INPP4B: variants seen among roughly 807,000 people sequenced by gnomAD.
INPP4B encodes inositol polyphosphate 4-phosphatase type II.
INPP4B carries 55 observed loss-of-function variants against 122.5 expected under a neutral mutation model. The ratio of observed to expected loss-of-function variants is 0.45; its 90% CI spans 0.36 to 0.56. The LOEUF is 0.56. Among genes scored for constraint, INPP4B ranks in the 20% least tolerant of loss-of-function variants. The pLI is 0.00. For synonymous variants in INPP4B, 403 were observed against 388.7 expected (o/e 1.04, Z -0.43); for missense variants, 1,000 against 1,097.7 (o/e 0.91, Z 1.26).
At chr4:142,408,761 A>T (rs1803981312) in intron 5 of INPP4B, among the ~76,000 whole-genome samples, 1 of 152,290 alleles carries the variant, frequency 6.6e-6, no homozygotes, top group East Asian at 1.9e-4. Context: ...GTAACAAACA[A>T]ATGCTACTGC....
At chr4:142,658,525 A>C (rs28848935) in intron 2 of INPP4B, among the ~76,000 whole-genome samples, 1 of 152,172 alleles carries the variant, frequency 6.6e-6, no homozygotes, top group African/African-American at 2.4e-5. Context: ...TGTGATCAAG[A>C]TATGGAGCAT....
chr4:142,436,447 C>A (rs367976694), intron 3 of INPP4B, among the ~76,000 whole-genome samples: 5 of 152,144 alleles, frequency 3.3e-5, no homozygotes, highest in African/African-American at 9.7e-5. Context: ...CCATGCCACC[C>A]AACTGGGTGA....
intron 12 of INPP4B, among the ~76,000 whole-genome samples, chr4:142,222,707 C>T (rs1579339079): frequency 6.6e-6 from 1 of 152,320 alleles, no homozygotes; most frequent in Non-Finnish European, 1.5e-5. Flanking sequence ...AGTGTCTCAG[C>T]TCCAAACACA....
intron 8 of INPP4B, 30 bp downstream of exon 8, chr4:142,314,682 G>A (rs768207420): frequency 1.3e-6 from 2 of 1,591,598 alleles, no homozygotes; most frequent in South Asian, 1.2e-5. Flanking sequence ...AGTGATGTGT[G>A]TGCCTTCTGG....
chr4:142,255,726 G>A (rs948017558), intron 11 of INPP4B, among the ~76,000 whole-genome samples: 9 of 152,088 alleles, frequency 5.9e-5, no homozygotes, highest in Non-Finnish European at 1.0e-4. Context: ...GACCTACAAA[G>A]AGACTTCGAC....
Position 142,405,201 on chromosome 4 carries a change from C to G in INPP4B, c.255+5G>C. 1 of 1,539,904 alleles carries G rather than the reference C, an allele frequency of 6.5e-7. No homozygotes were observed. Among genetic ancestry groups the G allele is most frequent in the Non-Finnish European group, 9.0e-7 (1 of 1,112,802 alleles). ...AGAGATTAATGTAGGCACACAGCAT[C>G]TCACCTCCACAATTTCGGTGCTGGA... On this transcript the variant is annotated splice_donor_5th_base_variant and intron_variant, in intron 6 of 25. Transcript: ENST00000262992.
At chr4:142,521,756 T>TA (rs1015154837) in intron 2 of INPP4B, among the ~76,000 whole-genome samples, 6 of 152,258 alleles carry the variant, frequency 3.9e-5, no homozygotes, top group Non-Finnish European at 8.8e-5. Context: ...GTTTTAAACT[T>TA]AAAAAATATC....
chr4:142,235,484 C>T (rs949799343), intron 12 of INPP4B, among the ~76,000 whole-genome samples: 1 of 152,048 alleles, frequency 6.6e-6, no homozygotes, highest in Non-Finnish European at 1.5e-5. Flanking sequence ...TGCAGTGGCG[C>T]GATCTCAGCT....
intron 7 of INPP4B, among the ~76,000 whole-genome samples, chr4:142,320,628 T>C (rs1769639876): frequency 6.6e-6 from 1 of 152,202 alleles, no homozygotes; most frequent in Non-Finnish European, 1.5e-5. Flanking sequence ...GTCCAATGTG[T>C]AGCCTTTAAT....
chr4:142,448,351 A>C (rs1193763857), intron 3 of INPP4B, among the ~76,000 whole-genome samples: 1 of 151,796 alleles, frequency 6.6e-6, no homozygotes, highest in Admixed American at 6.6e-5. Flanking sequence ...AAAAAAAAAA[A>C]AACACCGAGC....
intron 2 of INPP4B, among the ~76,000 whole-genome samples, chr4:142,514,792 CTT>C (rs3078620): frequency 3.3e-5 from 4 of 121,778 alleles, no homozygotes; most frequent in African/African-American, 3.1e-5. Flanking sequence ...ACCATGATTT[CTT>C]TTTTTTTTTT....
intron 1 of INPP4B, among the ~76,000 whole-genome samples, chr4:142,758,121 A>T (rs1334783406): frequency 6.6e-6 from 1 of 152,166 alleles, no homozygotes; most frequent in East Asian, 1.9e-4. Context: ...TTTTAAAAAG[A>T]TATTTAAAAA....
At chr4:142,196,368 C>G (rs1208372311) in intron 14 of INPP4B, among the ~76,000 whole-genome samples, 1 of 152,078 alleles carries the variant, frequency 6.6e-6, no homozygotes, top group Admixed American at 6.5e-5. Flanking sequence ...ATCTGAGTGT[C>G]AAAGCCTATT....
chr4:142,542,133 A>G (rs377017879), intron 2 of INPP4B, among the ~76,000 whole-genome samples: 52 of 152,264 alleles, frequency 3.4e-4, no homozygotes, highest in Middle Eastern at 3.4e-3. Context: ...CCCTCTCCAA[A>G]AAGTTCTGGA....
chr4:142,302,557 TG>T (rs1761881413), intron 9 of INPP4B, among the ~76,000 whole-genome samples: 2 of 152,154 alleles, frequency 1.3e-5, no homozygotes, highest in Admixed American at 1.3e-4. Flanking sequence ...ATTTATGAAA[TG>T]GAAATTAATA....
At position 142,773,792 on chromosome 4, in the gene INPP4B, G is replaced by T. The variant is rs1580882321; in HGVS notation, c.-253-47891C>A. Among the ~76,000 whole-genome samples, 3 of 152,318 alleles carry T rather than the reference G, an allele frequency of 2.0e-5. No individual in the cohort carries two copies. The East Asian group carries it at 5.8e-4, about 29-fold the overall frequency. ...CTATTTCTCCAGTATTATCAGAAGGGTGGTGACTAAAATTTCTGCTGTTGT... is the reference window on the plus strand; with the variant it reads ...CTATTTCTCCAGTATTATCAGAAGGTTGGTGACTAAAATTTCTGCTGTTGT... On this transcript the variant is annotated intron_variant, in intron 1 of 25. Transcript: ENST00000262992.
At chr4:142,134,398 A>C (rs942573854) in intron 18 of INPP4B, among the ~76,000 whole-genome samples, 1 of 152,226 alleles carries the variant, frequency 6.6e-6, no homozygotes, top group African/African-American at 2.4e-5. Context: ...TACAATTTTT[A>C]AGGAAAACAG....
At chr4:142,318,769 T>C (rs926986176) in intron 7 of INPP4B, among the ~76,000 whole-genome samples, 1 of 152,134 alleles carries the variant, frequency 6.6e-6, no homozygotes, top group Admixed American at 6.5e-5. Flanking sequence ...AAGTTCAAAA[T>C]TAAACTAAAT....
chr4:142,586,622 C>T (rs904445680), intron 2 of INPP4B, among the ~76,000 whole-genome samples: 4 of 152,050 alleles, frequency 2.6e-5, no homozygotes, highest in East Asian at 1.9e-4. Context: ...GGATTATAAA[C>T]GGAGAATAAC....
Sources: gnomAD v4.1 joint callset for allele counts (sites outside exome capture counted in the v4.1 genomes callset) on GRCh38, gnomAD v4.1.1 for gene constraint, MANE v1.5 for transcripts, NCBI Gene and HGNC (gene_info 2026-07-23, HGNC 2026-07-21) for gene names.